Variants in GOLGA4 observed in about 807,000 individuals in gnomAD.
GOLGA4 encodes the protein golgin subfamily A member 4.
A neutral mutation model predicts 265.9 loss-of-function variants in GOLGA4; 169 were observed. The ratio of observed to expected loss-of-function variants is 0.64; its 90% CI spans 0.56 to 0.72. GOLGA4 has a LOEUF of 0.72. Among genes scored for constraint, GOLGA4 ranks in the 30% least tolerant of loss-of-function variants. GOLGA4 has a pLI of 0.00. For synonymous variants in GOLGA4, 923 were observed against 855.8 expected (o/e 1.08, Z -1.37); for missense variants, 2,482 against 2,483.4 (o/e 1.00, Z 0.01).
intron 22 of GOLGA4, among the ~76,000 whole-genome samples, chr3:37,357,755 C>A (rs2097094394): frequency 6.6e-6 from 1 of 152,192 alleles, no homozygotes; most frequent in Non-Finnish European, 1.5e-5. Flanking sequence ...CAGCTAATTT[C>A]ATATCCCTGT....
At position 37,319,082 on chromosome 3, in the gene GOLGA4, T is replaced by A. The variant is rs761648491; in HGVS notation, c.1433T>A (p.Ile478Asn). 44 of 1,598,676 alleles carry A rather than the reference T, an allele frequency of 2.8e-5. No individual in the cohort carries two copies. The highest frequency in any genetic ancestry group is 3.7e-5 in the Non-Finnish European group (43 of 1,173,580). Reference sequence around the variant, plus strand: ...TTTCAGAAATCCTCAGAAGAACAAATTGCTAAGCTACAGAAGCTTCATGAA... The same window carrying A: ...TTTCAGAAATCCTCAGAAGAACAAAATGCTAAGCTACAGAAGCTTCATGAA... ...DVMKKSSEEQ[I>N]AKLQKLHEKE... The change falls in exon 12 of 24, where the codon ATT (isoleucine) becomes AAT (asparagine). Residue 478 changes from isoleucine to asparagine, a missense_variant. Ile to Asn is a moderately radical substitution (Grantham distance 149). Coordinates refer to ENST00000361924, the MANE Select transcript of GOLGA4 (RefSeq NM_002078.5).
chr3:37,329,205 T>G (rs1433381628), intron 16 of GOLGA4, 112 bp downstream of exon 16: 1 of 811,618 alleles, frequency 1.2e-6, no homozygotes, highest in Non-Finnish European at 1.9e-6. Flanking sequence ...AGGGTTTTTT[T>G]TTTTGACTCA....
chr3:37,258,307 T>G (rs73059479), intron 2 of GOLGA4, among the ~76,000 whole-genome samples: 17,429 of 149,858 alleles, frequency 0.12, 1,081 homozygotes, highest in African/African-American at 0.18. Context: ...TATATATATA[T>G]AGAGAGCATA....
intron 23 of GOLGA4, among the ~76,000 whole-genome samples, chr3:37,364,335 G>C (rs1696578388): frequency 6.6e-6 from 1 of 152,016 alleles, no homozygotes; most frequent in African/African-American, 2.4e-5. Flanking sequence ...CCACCTCCCA[G>C]GCTCAAGTGA....
chr3:37,324,300 C>A lies in GOLGA4; in HGVS notation c.2414C>A (p.Ser805Tyr). 6.2e-7 allele frequency: 1 copy of A among 1,614,146 alleles called. No homozygotes were observed. Among genetic ancestry groups the A allele is most frequent in the Non-Finnish European group, 8.5e-7 (1 of 1,180,026 alleles). Residue 805 changes from serine (S) to tyrosine (Y), a missense_variant, in exon 14 of 24, where the codon TCT (serine) becomes TAT (tyrosine). Ser to Tyr is a moderately radical substitution (Grantham distance 144, BLOSUM62 -2). Coordinates refer to ENST00000361924, the MANE Select transcript of GOLGA4 (RefSeq NM_002078.5). ...QASAKLDVFQ[S>Y]YQSATHEQTK... ...TCTGCTAAGCTGGACGTTTTTCAGT[C>A]TTACCAGAGTGCCACACATGAGCAG...
rs1560279454 is a variant in GOLGA4 at position 37,257,923 on chromosome 3, A to ATATACATATATATG, written c.162+6442_162+6443insACATATATATGTAT. 4.3e-5 allele frequency among the ~76,000 whole-genome samples: 5 copies of ATATACATATATATG among 115,712 alleles called. 1 individual carries two copies. The highest frequency in any genetic ancestry group is 1.8e-4 in the Admixed American group (2 of 11,042). 75.9% of individuals were successfully genotyped at this position (115,712 alleles called of 152,430 possible). A position where few individuals can be genotyped will look rare whatever the true frequency, so the allele number is the denominator to read the frequency against. On this transcript the variant is annotated intron_variant, in intron 2 of 23. Coordinates refer to ENST00000361924, the MANE Select transcript of GOLGA4 (RefSeq NM_002078.5). ...TATATATATATATATATGTATGTAT[A>ATATACATATATATG]TATGTATATATACATACATATATAT...
intron 21 of GOLGA4, among the ~76,000 whole-genome samples, chr3:37,352,623 G>A (rs996584148): frequency 6.6e-6 from 1 of 151,814 alleles, no homozygotes; most frequent in Non-Finnish European, 1.5e-5. Flanking sequence ...TTTCTTCTAC[G>A]GCTTTGTCAC....
At chr3:37,298,735 G>T (rs766083894) in intron 7 of GOLGA4, 98 bp from the exon 8 acceptor site, 20 of 789,210 alleles carry the variant, frequency 2.5e-5, no homozygotes, top group Non-Finnish European at 3.7e-5. Context: ...AGATGGAGTC[G>T]GTTAGATTAG....
At chr3:37,265,633 G>A (rs910095697) in intron 2 of GOLGA4, among the ~76,000 whole-genome samples, 1 of 152,138 alleles carries the variant, frequency 6.6e-6, no homozygotes, top group Non-Finnish European at 1.5e-5. Flanking sequence ...GTATACACCT[G>A]TGAAACCATC....
intron 5 of GOLGA4, among the ~76,000 whole-genome samples, chr3:37,291,118 CAG>C (rs781570253): frequency 6.6e-6 from 1 of 152,024 alleles, no homozygotes; most frequent in African/African-American, 2.4e-5. Flanking sequence ...GTTTAAAATT[CAG>C]AGAGTGCACA....
At chr3:37,283,485 T>G (rs2096840124) in intron 3 of GOLGA4, among the ~76,000 whole-genome samples, 1 of 152,192 alleles carries the variant, frequency 6.6e-6, no homozygotes, top group African/African-American at 2.4e-5. Flanking sequence ...TAAGTAGTAT[T>G]TACGTATGCT....
chr3:37,326,372 G>T lies in GOLGA4; in HGVS notation c.4486G>T (p.Asp1496Tyr). 1 of 1,612,934 alleles carries T rather than the reference G, an allele frequency of 6.2e-7. No homozygotes were observed. The highest frequency in any genetic ancestry group is 1.1e-5 in the South Asian group (1 of 90,772). ...EELDQQNKRF[D>Y]CLKGEMEDDK... The stretch of plus-strand genomic sequence containing the variant: ...GCTTGATCAGCAAAATAAAAGATTT[G>T]ATTGTTTAAAGGGTGAAATGGAAGA... The change falls in exon 14 of 24, where the codon GAT becomes TAT. Residue 1496 changes from aspartate to tyrosine, a missense_variant. Physicochemically the swap from Asp to Tyr is radical, Grantham distance 160. This residue lies in a region of GOLGA4 where 942 missense variants were observed against 983.1 expected (regional missense o/e 0.96). Transcript: ENST00000361924.
At chr3:37,298,747 T>A in intron 7 of GOLGA4, 86 bp from the exon 8 acceptor site, 1 of 875,616 alleles carries the variant, frequency 1.1e-6, no homozygotes, top group Non-Finnish European at 1.8e-6. Context: ...TTAGATTAGA[T>A]CTCTTTGACT....
intron 2 of GOLGA4, among the ~76,000 whole-genome samples, chr3:37,269,105 C>T (rs1451506080): frequency 1.3e-5 from 2 of 152,314 alleles, no homozygotes; most frequent in East Asian, 3.9e-4. Context: ...TAATTGAAGA[C>T]AAGTCTGTCA....
chr3:37,365,097 A>G (rs373473573), intron 23 of GOLGA4, among the ~76,000 whole-genome samples: 28 of 152,058 alleles, frequency 1.8e-4, no homozygotes, highest in South Asian at 1.0e-3. Flanking sequence ...GGATCTCACT[A>G]TGTTGCCCAG....
chr3:37,272,153 C>G (rs2096800501), intron 2 of GOLGA4, among the ~76,000 whole-genome samples: 1 of 152,060 alleles, frequency 6.6e-6, no homozygotes, highest in Admixed American at 6.6e-5. Flanking sequence ...AAATGTAATG[C>G]ATTTGAATCA....
chr3:37,351,418 C>G (rs933686685), intron 21 of GOLGA4, among the ~76,000 whole-genome samples: 1 of 152,078 alleles, frequency 6.6e-6, no homozygotes, highest in African/African-American at 2.4e-5. Context: ...TCTTCCAAAC[C>G]CCTGTTAATG....
intron 2 of GOLGA4, among the ~76,000 whole-genome samples, chr3:37,275,338 G>A (rs1243945005): frequency 6.6e-6 from 1 of 151,566 alleles, no homozygotes; most frequent in African/African-American, 2.4e-5. Flanking sequence ...CTGTCAGTGA[G>A]GCTGGTCAGG....
At chr3:37,349,975 C>G (rs932011617) in intron 21 of GOLGA4, among the ~76,000 whole-genome samples, 8 of 152,122 alleles carry the variant, frequency 5.3e-5, no homozygotes, top group African/African-American at 1.9e-4. Flanking sequence ...TGTCCGTATA[C>G]TTTCTTTTTC....
Sources: allele counts gnomAD v4.1 joint callset (sites outside exome capture counted in the v4.1 genomes callset), GRCh38; gene constraint gnomAD v4.1.1; regional missense constraint gnomAD v4.1.1; transcripts MANE v1.5; gene names NCBI Gene and HGNC (gene_info 2026-07-23, HGNC 2026-07-21).